SHTN1: variants seen among roughly 807,000 people sequenced by gnomAD.
The protein encoded by SHTN1 is shootin 1.
Under a neutral mutation model 83.1 loss-of-function variants are expected in SHTN1, and 42 were observed. The observed-to-expected ratio is 0.51, with a 90% CI of 0.39 to 0.65. The LOEUF (loss-of-function observed/expected upper bound fraction) is 0.65, where lower values mean the gene tolerates loss of function less well. Among genes scored for constraint, SHTN1 ranks in the 30% least tolerant of loss-of-function variants. The pLI, the probability that SHTN1 is intolerant of heterozygous loss-of-function variation, is 0.00. For missense variants in SHTN1, 622 were observed against 737.8 expected (o/e 0.84, Z 1.82); for synonymous variants, 224 against 247.7 (o/e 0.90, Z 0.90).
chr10:117,116,400 T>C (rs750233503), intron 1 of SHTN1, among the ~76,000 whole-genome samples: 9 of 151,846 alleles, frequency 5.9e-5, no homozygotes, highest in Non-Finnish European at 1.3e-4. Context: ...CAGTAACAAG[T>C]AATGAGATGG....
At chr10:116,890,277 G>T (rs140738193) in intron 16 of SHTN1, among the ~76,000 whole-genome samples, 1 of 152,270 alleles carries the variant, frequency 6.6e-6, no homozygotes, top group African/African-American at 2.4e-5. Flanking sequence ...CACAAAATCT[G>T]CAAGTAAAAC....
chr10:117,108,453 A>G (rs1853703483), intron 1 of SHTN1, among the ~76,000 whole-genome samples: 1 of 151,360 alleles, frequency 6.6e-6, no homozygotes, highest in African/African-American at 2.4e-5. Context: ...AAACTATTGC[A>G]AGGACAAAAA....
In SHTN1 at chr10:116,915,379, G is replaced by C. The variant is rs1589803064; in HGVS notation, c.1301C>G (p.Thr434Arg). ...RPVNQTARPKTKPESSKGCES... is the reference protein window; with the variant it reads ...RPVNQTARPKRKPESSKGCES... Reference sequence around the variant, plus strand: ...AAGCATTCAGTCACTCCATACCTTTGTCTTCGGTCTGGCTGTCTGATTAAC... The same window carrying C: ...AAGCATTCAGTCACTCCATACCTTTCTCTTCGGTCTGGCTGTCTGATTAAC... Residue 434 changes from threonine (T) to arginine (R), a missense_variant, in exon 13 of 17, where the codon ACA becomes AGA. This residue lies in a region of SHTN1 where 231 missense variants were observed against 251.6 expected (regional missense o/e 0.92). Transcript: ENST00000355371. The C allele has an allele frequency of 6.5e-7, 1 of 1,537,226 alleles. No individual in the cohort carries two copies. Among genetic ancestry groups the C allele is most frequent in the African/African-American group, 1.4e-5 (1 of 73,402 alleles).
chr10:117,053,258 T>TA (rs1354280530), intron 1 of SHTN1, among the ~76,000 whole-genome samples: 1 of 151,818 alleles, frequency 6.6e-6, no homozygotes, highest in Admixed American at 6.6e-5. Context: ...AAAAAATAGA[T>TA]AAACTTGACT....
chr10:117,069,793 T>C (rs1474602881), intron 1 of SHTN1, among the ~76,000 whole-genome samples: 1 of 152,158 alleles, frequency 6.6e-6, no homozygotes, highest in Non-Finnish European at 1.5e-5. Context: ...ATTTTTCTGT[T>C]GGGCATGGAT....
intron 2 of SHTN1, among the ~76,000 whole-genome samples, chr10:117,030,896 T>C (rs1230050489): frequency 2.0e-5 from 3 of 152,074 alleles, no homozygotes; most frequent in African/African-American, 7.2e-5. Flanking sequence ...CTAAGAGTTA[T>C]AGGTCTTAAA....
At chr10:116,989,721 C>G (rs897696387) in intron 1 of SHTN1, among the ~76,000 whole-genome samples, 2 of 152,154 alleles carry the variant, frequency 1.3e-5, no homozygotes, top group African/African-American at 4.8e-5. Context: ...CCTATCACTT[C>G]TCTAAAATGA....
intron 2 of SHTN1, among the ~76,000 whole-genome samples, chr10:117,014,151 G>T (rs903678855): frequency 5.9e-5 from 9 of 152,144 alleles, no homozygotes; most frequent in Admixed American, 4.6e-4. Context: ...GAATGGAAGG[G>T]TTGAATATAA....
At chr10:117,065,913 G>C (rs1387565108) in intron 1 of SHTN1, among the ~76,000 whole-genome samples, 2 of 123,412 alleles carry the variant, frequency 1.6e-5, no homozygotes, top group African/African-American at 5.9e-5. Context: ...GGGGAGGGGG[G>C]AAAAATTAGG....
At position 116,917,342 on chromosome 10, in the gene SHTN1, C is replaced by T. The variant is rs1029526094; in HGVS notation, c.1196-1858G>A. Among the ~76,000 whole-genome samples, 72 of 152,156 alleles carry T rather than the reference C, an allele frequency of 4.7e-4. 1 individual carries two copies. Among genetic ancestry groups the T allele is most frequent in the Admixed American group, 4.6e-3 (71 of 15,296 alleles). Reference sequence around the variant, plus strand: ...TTTTTGAGATGGAGTCTTGCTCTGTCGCCCAGAGCTGGAGTGCAATGGCAC... The same window carrying T: ...TTTTTGAGATGGAGTCTTGCTCTGTTGCCCAGAGCTGGAGTGCAATGGCAC... On this transcript the variant is annotated intron_variant, in intron 12 of 16. Transcript: ENST00000355371.
At chr10:117,004,407 T>G (rs1851934976) in intron 1 of SHTN1, among the ~76,000 whole-genome samples, 1 of 152,134 alleles carries the variant, frequency 6.6e-6, no homozygotes, top group African/African-American at 2.4e-5. Context: ...CTGGCTCTCC[T>G]TCGCCCAGCG....
intron 9 of SHTN1, among the ~76,000 whole-genome samples, chr10:116,936,426 A>G (rs1215762860): frequency 1.3e-5 from 2 of 152,206 alleles, no homozygotes; most frequent in Non-Finnish European, 2.9e-5. Context: ...TTCGTTATTT[A>G]CTCAGTAGTC....
At position 116,940,523 on chromosome 10, in the gene SHTN1, G is replaced by A. The variant is rs576444431; in HGVS notation, c.801C>T (p.Asp267=). ...GTTGCTGGGTGAGTTTTGCATTTTC[G>A]TCTAAAGCTTTCAAAAGCTGCTGAT... ...IPDQQLLKAL[D]ENAKLTQQLE... is the part of the protein sequence containing the mutation. The change falls in exon 9 of 17, where the codon GAC becomes GAT. Residue 267 remains aspartate (D), a synonymous_variant. Transcript: ENST00000355371. 1.4e-5 allele frequency: 23 copies of A among 1,613,886 alleles called. No homozygotes were observed. The highest frequency in any genetic ancestry group is 9.9e-5 in the South Asian group (9 of 91,050).
chr10:117,017,911 C>T (rs1024735940), intron 2 of SHTN1, among the ~76,000 whole-genome samples: 1 of 152,138 alleles, frequency 6.6e-6, no homozygotes, highest in Non-Finnish European at 1.5e-5. Context: ...AAACCCATAA[C>T]CCCAGTCTAA....
intron 11 of SHTN1, among the ~76,000 whole-genome samples, chr10:116,922,496 A>G (rs1009065591): frequency 9.9e-5 from 15 of 152,166 alleles, no homozygotes; most frequent in Non-Finnish European, 1.3e-4. Context: ...GCGCACCAGA[A>G]TACATGAACA....
chr10:117,010,734 G>A (rs896874031), intron 2 of SHTN1, among the ~76,000 whole-genome samples: 4 of 152,102 alleles, frequency 2.6e-5, no homozygotes, highest in African/African-American at 9.7e-5. Context: ...TATACACCAC[G>A]ACCAGGTAGT....
intron 8 of SHTN1, among the ~76,000 whole-genome samples, chr10:116,943,832 T>C (rs192145875): frequency 2.0e-5 from 3 of 152,320 alleles, no homozygotes; most frequent in East Asian, 1.9e-4. Flanking sequence ...ACCTACAGTA[T>C]GCACACAAAT....
chr10:117,059,542 GA>G (rs759812816), intron 1 of SHTN1, among the ~76,000 whole-genome samples: 8 of 152,188 alleles, frequency 5.3e-5, no homozygotes, highest in Non-Finnish European at 1.0e-4. Flanking sequence ...GCTCAGCAAT[GA>G]AAAGGAACAA....
At chr10:116,983,621 A>G (rs1409877587) in intron 1 of SHTN1, among the ~76,000 whole-genome samples, 1 of 151,798 alleles carries the variant, frequency 6.6e-6, no homozygotes, top group Non-Finnish European at 1.5e-5. Flanking sequence ...TCTGGGGTAG[A>G]GCCTGGGCAT....
Sources: gnomAD v4.1 joint callset for allele counts (sites outside exome capture counted in the v4.1 genomes callset) on GRCh38, gnomAD v4.1.1 for gene constraint, gnomAD v4.1.1 regional missense constraint, MANE v1.5 for transcripts, NCBI Gene and HGNC (gene_info 2026-07-23, HGNC 2026-07-21) for gene names.